SQOR: variants seen among roughly 807,000 people sequenced by gnomAD.
SQOR encodes the protein sulfide quinone oxidoreductase.
A neutral mutation model predicts 48.6 loss-of-function variants in SQOR; 39 were observed. The observed-to-expected ratio is 0.80, with a 90% CI of 0.62 to 1.05. The LOEUF (loss-of-function observed/expected upper bound fraction) is 1.05, where lower values mean the gene tolerates loss of function less well. Ranked by LOEUF, SQOR falls within the 50% of genes least tolerant of loss-of-function variation. The probability of loss-of-function intolerance (pLI) is 0.00; values close to 1 mark genes in which losing one functional copy is unlikely to be tolerated. For missense variants in SQOR, 561 were observed against 559.9 expected (o/e 1.00, Z -0.02); for synonymous variants, 220 against 206.2 (o/e 1.07, Z -0.57).
chr15:45,685,200 C>T (rs1890201011), intron 7 of SQOR, among the ~76,000 whole-genome samples: 1 of 152,072 alleles, frequency 6.6e-6, no homozygotes, highest in South Asian at 2.1e-4. Flanking sequence ...AGTCTATTTA[C>T]TCTTCTCTTC....
chr15:45,639,856 C>T (rs962542309), intron 1 of SQOR, among the ~76,000 whole-genome samples: 4 of 152,170 alleles, frequency 2.6e-5, no homozygotes, highest in Non-Finnish European at 5.9e-5. Flanking sequence ...GTGATCAAAT[C>T]TAAGCTTGTT....
chr15:45,640,574 C>T (rs1007608795), intron 1 of SQOR, among the ~76,000 whole-genome samples: 1 of 152,170 alleles, frequency 6.6e-6, no homozygotes, highest in Non-Finnish European at 1.5e-5. Context: ...GTCCAAATAG[C>T]AAATGTATAC....
chr15:45,646,306 T>G (rs1895204244), intron 1 of SQOR, among the ~76,000 whole-genome samples: 1 of 152,226 alleles, frequency 6.6e-6, no homozygotes, highest in Non-Finnish European at 1.5e-5. Context: ...TAGCTCCTGC[T>G]AATGCCTGCA....
intron 1 of SQOR, among the ~76,000 whole-genome samples, chr15:45,658,061 G>C (rs663992): frequency 0.67 from 102,396 of 151,948 alleles, 34,608 homozygotes; most frequent in Admixed American, 0.76. Flanking sequence ...ACTAACTGCT[G>C]AGAGTAGAAA....
chr15:45,667,653 T>A (rs1889856986), intron 3 of SQOR, among the ~76,000 whole-genome samples: 1 of 152,198 alleles, frequency 6.6e-6, no homozygotes, highest in South Asian at 2.1e-4. Context: ...TAAGCTGGCA[T>A]GTTTTTAGTC....
intron 3 of SQOR, among the ~76,000 whole-genome samples, chr15:45,669,152 A>T (rs1315554295): frequency 2.0e-5 from 3 of 147,666 alleles, no homozygotes; most frequent in Non-Finnish European, 3.0e-5. Flanking sequence ...TATATTTTTT[A>T]TATATATATT....
At chr15:45,674,728 C>T (rs771821760) in intron 5 of SQOR, among the ~76,000 whole-genome samples, 2 of 152,208 alleles carry the variant, frequency 1.3e-5, no homozygotes, top group African/African-American at 4.8e-5. Context: ...TCCAAATGCT[C>T]TCTGTGTAAG....
In SQOR at chr15:45,683,308, C is replaced by T. The variant is rs187210540; in HGVS notation, c.1048+647C>T. On this transcript the variant is annotated intron_variant, in intron 7 of 9. Coordinates refer to ENST00000260324, the MANE Select transcript of SQOR (RefSeq NM_021199.4). ...GGCTATTTTTCTTCTGCCTGAAACA[C>T]CATAAAGCTCGAGGAGCATTTGTTT... Among the ~76,000 whole-genome samples the T allele has an allele frequency of 2.6e-4, 40 of 152,308 alleles. No homozygotes were observed. The East Asian group carries it at 7.5e-3, about 29-fold the overall frequency.
intron 3 of SQOR, among the ~76,000 whole-genome samples, chr15:45,668,120 A>G (rs1889871850): frequency 6.6e-6 from 1 of 151,140 alleles, no homozygotes; most frequent in Middle Eastern, 3.4e-3. Context: ...AATTTTTTGT[A>G]TTTTTAGTAG....
intron 1 of SQOR, among the ~76,000 whole-genome samples, chr15:45,648,380 A>G (rs1889388878): frequency 6.6e-6 from 1 of 151,946 alleles, no homozygotes; most frequent in Admixed American, 6.5e-5. Context: ...GTTTCACCAT[A>G]TTGGCCAGGA....
At chr15:45,654,626 G>A (rs1030010689) in intron 1 of SQOR, among the ~76,000 whole-genome samples, 5 of 152,272 alleles carry the variant, frequency 3.3e-5, no homozygotes, top group African/African-American at 4.8e-5. Flanking sequence ...ATTGACTGGC[G>A]TGTATACCCA....
chr15:45,654,741 C>G (rs1889563165), intron 1 of SQOR, among the ~76,000 whole-genome samples: 1 of 152,168 alleles, frequency 6.6e-6, no homozygotes, highest in African/African-American at 2.4e-5. Context: ...AAACAACTCT[C>G]TCTATTGAGA....
In SQOR at chr15:45,691,269, A is replaced by T. The variant is rs1890320476; in HGVS notation, c.*239A>T. 4 of 496,876 alleles carry T rather than the reference A, an allele frequency of 8.1e-6. No homozygotes were observed. The East Asian group carries it at 1.3e-4, about 16-fold the overall frequency. 30.8% of individuals were successfully genotyped at this position (496,876 alleles called of 1,614,324 possible). A position where few individuals can be genotyped will look rare whatever the true frequency, so the allele number is the denominator to read the frequency against. ...ATAATACTTTTATTTTCTGAATAAAAGTTTGTCACTGATTGTGTTCTATGA... is the reference window on the plus strand; with the variant it reads ...ATAATACTTTTATTTTCTGAATAAATGTTTGTCACTGATTGTGTTCTATGA... On this transcript the variant is annotated 3_prime_UTR_variant, in exon 10 of 10. Transcript: ENST00000260324.
chr15:45,649,938 G>A (rs1889439382), intron 1 of SQOR, among the ~76,000 whole-genome samples: 2 of 151,982 alleles, frequency 1.3e-5, no homozygotes. Context: ...TGCCTCCCGG[G>A]TTCAAGTGGG....
Position 45,689,286 on chromosome 15 carries a change from A to G in SQOR, c.1295+69A>G, listed in dbSNP as rs1467976735. 4 of 1,511,730 alleles carry G rather than the reference A, an allele frequency of 2.6e-6. No individual in the cohort carries two copies. In the East Asian group the frequency reaches 9.0e-5, roughly 34 times the overall value. 93.6% of individuals were successfully genotyped at this position (1,511,730 alleles called of 1,614,324 possible). A position where few individuals can be genotyped will look rare whatever the true frequency, so the allele number is the denominator to read the frequency against. On this transcript the variant is annotated intron_variant, in intron 9 of 9. Transcript: ENST00000260324. ...GCACATCTCCACCCAAAGGGGATGC[A>G]GCCTCTTTTCTTCATTATTAGCAGT...
chr15:45,680,473 G>A (rs1333489320), intron 6 of SQOR, among the ~76,000 whole-genome samples: 1 of 151,756 alleles, frequency 6.6e-6, no homozygotes, highest in African/African-American at 2.4e-5. Flanking sequence ...GTGCAGTGGT[G>A]CCATCTTGGC....
rs1182727394 is a variant in SQOR at position 45,638,686 on chromosome 15, C to T, written c.-18+3578C>T. On this transcript the variant is annotated intron_variant, in intron 1 of 9. Transcript: ENST00000260324. The stretch of plus-strand genomic sequence containing the variant: ...TTGCATTGAGCCAAGATTATCATGC[C>T]ACTGCATTCTAGCCTGCGCAACAGA... Among the ~76,000 whole-genome samples the T allele has an allele frequency of 4.0e-5, 6 of 151,380 alleles. No homozygotes were observed. The South Asian group carries it at 1.3e-3, about 32-fold the overall frequency.
At chr15:45,649,545 G>A (rs1889421682) in intron 1 of SQOR, among the ~76,000 whole-genome samples, 1 of 151,960 alleles carries the variant, frequency 6.6e-6, no homozygotes, top group Non-Finnish European at 1.5e-5. Context: ...GTGCAATCTT[G>A]GCTCACTGCA....
At chr15:45,664,640 T>C (rs1370044406) in intron 3 of SQOR, among the ~76,000 whole-genome samples, 1 of 152,122 alleles carries the variant, frequency 6.6e-6, no homozygotes, top group Admixed American at 6.6e-5. Flanking sequence ...TAAGTTAGCA[T>C]TTGCCTTTTT....
Sources: allele counts gnomAD v4.1 joint callset (sites outside exome capture counted in the v4.1 genomes callset), GRCh38; gene constraint gnomAD v4.1.1; transcripts MANE v1.5; gene names NCBI Gene and HGNC (gene_info 2026-07-23, HGNC 2026-07-21).